The following NAGK variants were observed in gnomAD, a reference collection of about 807,000 sequenced individuals.
NAGK encodes N-acetylglucosamine kinase.
Under a neutral mutation model 42.9 loss-of-function variants are expected in NAGK, and 35 were observed. The ratio of observed to expected loss-of-function variants is 0.82; its 90% CI spans 0.62 to 1.08. The LOEUF is 1.08. Among genes scored for constraint, NAGK ranks in the 50% least tolerant of loss-of-function variants. The probability of loss-of-function intolerance (pLI) is 0.00; values close to 1 mark genes in which losing one functional copy is unlikely to be tolerated. For synonymous variants in NAGK, 172 were observed against 176.0 expected, an observed-to-expected ratio of 0.98 and a Z score of 0.18; for missense variants, 446 against 446.0, an observed-to-expected ratio of 1.00 and a Z score of 0.00.
At chr2:71,077,407 C>T in intron 8 of NAGK, 151 bp from the exon 9 acceptor site, 1 of 688,998 alleles carries the variant, frequency 1.5e-6, no homozygotes, top group Middle Eastern at 2.5e-4. Flanking sequence ...TATTTTCCTC[C>T]CTTTTTTTTT....
upstream of NAGK, chr2:71,068,368 C>T (rs182193347): frequency 1.5e-4 from 137 of 929,806 alleles, no homozygotes; most frequent in African/African-American, 2.2e-3. Flanking sequence ...TCCGACCGAC[C>T]TAGATACCCC....
Position 71,077,590 on chromosome 2 carries a change from C to T in NAGK, c.798C>T (p.Ile266=), listed in dbSNP as rs762376473. The change falls in exon 9 of 10, where the codon ATC becomes ATT. Residue 266 remains isoleucine, a synonymous_variant. Transcript: ENST00000244204. ...VLFQGKIGLP[I]LCVGSVWKSW... ...TCCAGGGCAAGATTGGACTCCCCAT[C>T]CTGTGCGTGGGCTCTGTGTGGAAGA... 2.1e-5 allele frequency: 33 copies of T among 1,609,610 alleles called. No homozygotes were observed. The highest frequency in any genetic ancestry group is 4.4e-5 in the South Asian group (4 of 89,902).
At chr2:71,068,546 A>T (rs1221487919), upstream of NAGK, 7 of 1,475,522 alleles carry the variant, frequency 4.7e-6, no homozygotes, top group Non-Finnish European at 6.3e-6. Flanking sequence ...CGCCCCGCGC[A>T]TGCGCACGCG....
chr2:71,075,629 G>A lies in NAGK; in HGVS notation c.654G>A (p.Arg218=), dbSNP rs141425614. The A allele has an allele frequency of 1.2e-3, 1,985 of 1,605,664 alleles. 16 individuals are homozygous for A. In the Middle Eastern group the frequency reaches 0.012, roughly 10 times the overall value. The part of the protein sequence containing the change: ...FDKCRFAGFC[R]KIAEGAQQGD... ...AATGCAGGTTTGCTGGGTTTTGCCG[G>A]AAAATTGCAGAAGGTACTGGAGGTG... Residue 218 remains arginine, a synonymous_variant, in exon 7 of 10, where the codon CGG becomes CGA. Coordinates refer to ENST00000244204, the MANE Select transcript of NAGK (RefSeq NM_017567.6).
At chr2:71,073,274 A>C in intron 5 of NAGK, 1 of 588,208 alleles carries the variant, frequency 1.7e-6, no homozygotes. Flanking sequence ...TTCCCCCTCC[A>C]ACTTTCCCTT....
At position 71,070,827 on chromosome 2, in the gene NAGK, G is replaced by A. The variant is rs769393114; in HGVS notation, c.201G>A (p.Pro67=). ...KRKAGVDPLV[P]LRSLGLSLSG... is the part of the protein sequence containing the mutation. The stretch of plus-strand genomic sequence containing the variant: ...AAGCAGGGGTGGATCCTCTGGTACC[G>A]CTGCGAAGCTTGGTGAGTCTGGGGC... The change falls in exon 3 of 10, where the codon CCG becomes CCA. Residue 67 remains proline (P), a synonymous_variant. Coordinates refer to ENST00000244204, the MANE Select transcript of NAGK (RefSeq NM_017567.6). The A allele has an allele frequency of 2.2e-5, 36 of 1,614,154 alleles. No homozygotes were observed. The Admixed American group carries it at 4.7e-4, about 21-fold the overall frequency.
chr2:71,068,809 G>C, intron 1 of NAGK, 97 bp downstream of exon 1: 1 of 1,412,162 alleles, frequency 7.1e-7, no homozygotes, highest in Non-Finnish European at 9.2e-7. Flanking sequence ...CGGCGTCCGG[G>C]CACTTTGGGC....
Position 71,072,655 on chromosome 2 carries a change from A to C in NAGK, c.370A>C (p.Ile124Leu), listed in dbSNP as rs560847516. Residue 124 changes from isoleucine to leucine, a missense_variant, in exon 5 of 10, where the codon ATA (isoleucine) becomes CTA (leucine). By Grantham distance (5) the Ile-to-Leu change is conservative. Coordinates refer to ENST00000244204, the MANE Select transcript of NAGK (RefSeq NM_017567.6). ...CCTTTCCCCAGGTGGAGTTGTGCTC[A>C]TATCTGGAACAGGCTCCAACTGCAG... ...TATPDGGVVL[I>L]SGTGSNCRLI... is the part of the protein sequence containing the mutation. 1.9e-6 allele frequency: 3 copies of C among 1,613,974 alleles called. No individual in the cohort carries two copies. The highest frequency in any genetic ancestry group is 2.5e-6 in the Non-Finnish European group (3 of 1,179,904).
At chr2:71,078,203 C>T in intron 9 of NAGK, 115 bp from the exon 10 acceptor site, 1 of 1,036,802 alleles carries the variant, frequency 9.6e-7, no homozygotes, top group Non-Finnish European at 1.4e-6. Flanking sequence ...GTAGGCCCCT[C>T]CAGCATCTCT....
At chr2:71,075,090 A>T (rs1672160127) in intron 6 of NAGK, 1 of 153,790 alleles carries the variant, frequency 6.5e-6, no homozygotes, top group Admixed American at 6.4e-5. Flanking sequence ...TAATTTGCTA[A>T]TGTGCATTGT....
chr2:71,071,040 C>T, intron 3 of NAGK: 2 of 580,726 alleles, frequency 3.4e-6, no homozygotes, highest in South Asian at 1.9e-5. Context: ...GAGCACAGGG[C>T]TTTGGAGAGC....
chr2:71,077,990 G>GCCTGGCTTCTTAGC (rs1231399266), intron 9 of NAGK, among the ~76,000 whole-genome samples: 2 of 152,222 alleles, frequency 1.3e-5, no homozygotes, highest in Non-Finnish European at 2.9e-5. Context: ...AAGAAAAGAG[G>GCCTGGCTTCTTAGC]CCTGGCTTCT....
At chr2:71,068,904 G>T in intron 1 of NAGK, 192 bp downstream of exon 1, 1 of 1,306,264 alleles carries the variant, frequency 7.7e-7, no homozygotes, top group Non-Finnish European at 9.7e-7. Context: ...GACTCTGCCT[G>T]TGCAACAGCC....
Position 71,078,418 on chromosome 2 carries a change from G to T in NAGK, c.945G>T (p.Gly315=). ...TGAGGCACTCCTCCGCTCTGGGTGGGGCCAGCCTAGGGGCCAGGCACATCG... is the reference window on the plus strand; with the variant it reads ...TGAGGCACTCCTCCGCTCTGGGTGGTGCCAGCCTAGGGGCCAGGCACATCG... ...MKLRHSSALG[G]ASLGARHIGH... is the part of the protein sequence containing the mutation. Residue 315 remains glycine, a synonymous_variant, in exon 10 of 10, where the codon GGG becomes GGT. Transcript: ENST00000244204. The T allele has an allele frequency of 2.5e-6, 4 of 1,613,948 alleles. No homozygotes were observed. The highest frequency in any genetic ancestry group is 2.5e-6 in the Non-Finnish European group (3 of 1,179,950).
In NAGK at chr2:71,072,485, C is replaced by T. The variant is rs535057981; in HGVS notation, c.356-156C>T. The T allele has an allele frequency of 8.3e-5, 50 of 604,362 alleles. No homozygotes were observed. In the African/African-American group the frequency reaches 9.1e-4, roughly 11 times the overall value. 37.4% of individuals were successfully genotyped at this position (604,362 alleles called of 1,614,324 possible). A position where few individuals can be genotyped will look rare whatever the true frequency, so the allele number is the denominator to read the frequency against. ...TTTCTGAGACCCAGGCTCTCACCCT[C>T]AGGCAGGAAACTAGCTGGGCTCAGT... On this transcript the variant is annotated intron_variant, in intron 4 of 9. Coordinates refer to ENST00000244204, the MANE Select transcript of NAGK (RefSeq NM_017567.6).
Position 71,078,688 on chromosome 2 carries a change from C to T in NAGK, c.*180C>T, listed in dbSNP as rs987325219. ...ATGTGCTATGTACATCCTCAGTGCA[C>T]CTGCCAGCAGATATCCTGGAGGGCT... On this transcript the variant is annotated 3_prime_UTR_variant, in exon 10 of 10. Coordinates refer to ENST00000244204, the MANE Select transcript of NAGK (RefSeq NM_017567.6). 21 of 725,146 alleles carry T rather than the reference C, an allele frequency of 2.9e-5. No homozygotes were observed. The highest frequency in any genetic ancestry group is 4.0e-5 in the Non-Finnish European group (19 of 469,766). 44.9% of individuals were successfully genotyped at this position (725,146 alleles called of 1,614,324 possible).
At chr2:71,071,196 C>A in intron 3 of NAGK, 1 of 345,604 alleles carries the variant, frequency 2.9e-6, no homozygotes, top group Non-Finnish European at 5.6e-6. Flanking sequence ...AGTAAAATGG[C>A]ATGATACATT....
chr2:71,068,757 G>T, intron 1 of NAGK, 45 bp downstream of exon 1: 1 of 1,445,414 alleles, frequency 6.9e-7, no homozygotes, highest in Non-Finnish European at 9.1e-7. Flanking sequence ...AAGGCGGGGC[G>T]GAAGGCCGTG....
Position 71,079,468 on chromosome 2 carries a change from T to C in NAGK, c.*960T>C, listed in dbSNP as rs1672331109. On this transcript the variant is annotated 3_prime_UTR_variant, in exon 10 of 10. Coordinates refer to ENST00000244204, the MANE Select transcript of NAGK (RefSeq NM_017567.6). ...CAGTTCTCCAACTTACAGACATCAGTTATTCTAGAGTTTGTTTTAAAACAC... is the reference window on the plus strand; with the variant it reads ...CAGTTCTCCAACTTACAGACATCAGCTATTCTAGAGTTTGTTTTAAAACAC... 1 of 152,190 alleles carries C rather than the reference T, an allele frequency of 6.6e-6. No individual in the cohort carries two copies. Among genetic ancestry groups the C allele is most frequent in the Non-Finnish European group, 1.5e-5 (1 of 68,038 alleles). The allele number at this position is 152,190 out of a possible 1,614,324, so 9.4% of individuals were successfully genotyped here.
Sources: gnomAD v4.1 joint callset for allele counts (sites outside exome capture counted in the v4.1 genomes callset) on GRCh38, gnomAD v4.1.1 for gene constraint, MANE v1.5 for transcripts, NCBI Gene and HGNC (gene_info 2026-07-23, HGNC 2026-07-21) for gene names.